RFX4: variants seen among roughly 807,000 people sequenced by gnomAD.
RFX4 encodes the protein regulatory factor X4, also known as transcription factor RFX4.
A neutral mutation model predicts 95.0 loss-of-function variants in RFX4; 10 were observed. The ratio of observed to expected loss-of-function variants is 0.11; its 90% CI spans 0.06 to 0.18. RFX4 has a LOEUF of 0.18. Ranked by LOEUF, RFX4 falls within the 10% of genes least tolerant of loss-of-function variation. The pLI, the probability that RFX4 is intolerant of heterozygous loss-of-function variation, is 1.00. For synonymous variants in RFX4, 321 were observed against 340.7 expected, an observed-to-expected ratio of 0.94 and a Z score of 0.64; for missense variants, 640 against 922.0, an observed-to-expected ratio of 0.69 and a Z score of 3.96.
intron 17 of RFX4, among the ~76,000 whole-genome samples, chr12:106,758,951 T>C (rs2043160394): frequency 6.6e-6 from 1 of 152,214 alleles, no homozygotes; most frequent in African/African-American, 2.4e-5. Flanking sequence ...AGTAGTAACG[T>C]CCCAATGTTC....
chr12:106,591,299 G>T (rs1359367495), intron 1 of RFX4, among the ~76,000 whole-genome samples: 1 of 102,428 alleles, frequency 9.8e-6, no homozygotes. Flanking sequence ...ACGGAGTCTT[G>T]CACTGTCACC....
At chr12:106,620,077 C>G (rs2040152130) in intron 2 of RFX4, among the ~76,000 whole-genome samples, 1 of 152,162 alleles carries the variant, frequency 6.6e-6, no homozygotes, top group Admixed American at 6.5e-5. Context: ...AGTCTAGTAT[C>G]TGAATTATCT....
At chr12:106,634,056 AC>A (rs1185837304) in intron 2 of RFX4, among the ~76,000 whole-genome samples, 2 of 152,140 alleles carry the variant, frequency 1.3e-5, no homozygotes, top group East Asian at 3.8e-4. Flanking sequence ...GTGTGAAAGA[AC>A]CCTGATAAAA....
At chr12:106,584,865 G>A (rs2039430806) in intron 1 of RFX4, among the ~76,000 whole-genome samples, 1 of 152,284 alleles carries the variant, frequency 6.6e-6, no homozygotes, top group South Asian at 2.1e-4. Flanking sequence ...GAAAGGCTAA[G>A]CCCCGAAGTT....
At chr12:106,691,912 A>G (rs1218475893) in intron 7 of RFX4, among the ~76,000 whole-genome samples, 2 of 152,158 alleles carry the variant, frequency 1.3e-5, no homozygotes, top group Admixed American at 1.3e-4. Context: ...TAATCCCAGC[A>G]CTTTGGGAGG....
chr12:106,662,523 C>A (rs139727350), intron 4 of RFX4, among the ~76,000 whole-genome samples: 104 of 152,262 alleles, frequency 6.8e-4, no homozygotes, highest in Non-Finnish European at 1.3e-3. Context: ...TCTTCTCATT[C>A]TCTTGACATT....
chr12:106,639,482 T>C (rs2040576441), intron 3 of RFX4, 90 bp downstream of exon 3: 1 of 1,209,784 alleles, frequency 8.3e-7, no homozygotes, highest in East Asian at 2.4e-5. Context: ...TATTTTAACA[T>C]TGTCCTGATA....
At chr12:106,728,308 T>G (rs772297630) in intron 13 of RFX4, among the ~76,000 whole-genome samples, 7 of 150,968 alleles carry the variant, frequency 4.6e-5, no homozygotes, top group Non-Finnish European at 8.8e-5. Flanking sequence ...CCTCATGTAT[T>G]AACTGAAGAT....
intron 15 of RFX4, among the ~76,000 whole-genome samples, chr12:106,739,707 GT>G (rs1171452839): frequency 1.3e-5 from 2 of 152,160 alleles, no homozygotes; most frequent in East Asian, 3.9e-4. Context: ...TTACGGCAAT[GT>G]CATGATAAGA....
chr12:106,585,616 G>A (rs2039443417), intron 1 of RFX4: 1 of 152,202 alleles, frequency 6.6e-6, no homozygotes, highest in East Asian at 1.9e-4. Flanking sequence ...AGTTTCCCTT[G>A]TTATGTAAAG....
rs992836423 is a variant in RFX4, at chr12:106,601,826, C to G, written c.44-6971C>G. On this transcript the variant is annotated intron_variant, in intron 1 of 17. Transcript: ENST00000392842. ...AACTCTTCACCTTTCCCAGAACCAC[C>G]AGGCCTTTCACAGCTTTGTGCCTTT... is the stretch of plus-strand genomic sequence containing the variant. 5.3e-5 allele frequency among the ~76,000 whole-genome samples: 8 copies of G among 152,348 alleles called. No individual in the cohort carries two copies. The East Asian group carries it at 1.5e-3, about 29-fold the overall frequency.
Position 106,648,626 on chromosome 12 carries a change from GT to G in RFX4, c.192-5584del, listed in dbSNP as rs59743543. Among the ~76,000 whole-genome samples the G allele has an allele frequency of 9.5e-3, 1,182 of 124,900 alleles. 8 individuals are homozygous for G. The highest frequency in any genetic ancestry group is 0.011 in the Non-Finnish European group (643 of 58,306). 81.9% of individuals were successfully genotyped at this position (124,900 alleles called of 152,430 possible). ...CTGTAAAAAAAAAAAATCCTGTGGG[GT>G]TTTTTTTTTTTTTTTTTGGTAAAAG... On this transcript the variant is annotated intron_variant, in intron 3 of 17. Coordinates refer to ENST00000392842, the MANE Select transcript of RFX4 (RefSeq NM_213594.3).
rs779414787 is a variant in RFX4 at position 106,696,335 on chromosome 12, C to T, written c.722C>T (p.Pro241Leu). 1 of 1,614,192 alleles carries T rather than the reference C, an allele frequency of 6.2e-7. No individual in the cohort carries two copies. Residue 241 changes from proline to leucine, a missense_variant, in exon 8 of 18, where the codon CCT (proline) becomes CTT (leucine). Coordinates refer to ENST00000392842, the MANE Select transcript of RFX4 (RefSeq NM_213594.3). Reference protein sequence around the residue: ...FWQGMPPHMLPVLGSSTVVNI... With the variant: ...FWQGMPPHMLLVLGSSTVVNI... ...CAAGGAATGCCGCCCCACATGCTGCCTGTGCTGGGCTCCTCCACGGTGGTG... is the reference window on the plus strand; with the variant it reads ...CAAGGAATGCCGCCCCACATGCTGCTTGTGCTGGGCTCCTCCACGGTGGTG...
intron 3 of RFX4, among the ~76,000 whole-genome samples, chr12:106,642,664 T>C (rs146471397): frequency 6.6e-6 from 1 of 152,114 alleles, no homozygotes; most frequent in Non-Finnish European, 1.5e-5. Context: ...ATGCATTAGA[T>C]AGTGAGAAGT....
intron 8 of RFX4, among the ~76,000 whole-genome samples, chr12:106,703,893 C>T (rs2042034790): frequency 1.3e-5 from 2 of 151,898 alleles, no homozygotes; most frequent in African/African-American, 4.8e-5. Flanking sequence ...TGTCGAAACC[C>T]TGTCTCTACG....
At chr12:106,584,004 G>A (rs934228343) in intron 1 of RFX4, among the ~76,000 whole-genome samples, 2 of 152,176 alleles carry the variant, frequency 1.3e-5, no homozygotes, top group Admixed American at 6.5e-5. Context: ...ACCCAACGCC[G>A]GGCTCCACTA....
At chr12:106,629,403 G>T (rs550950443) in intron 2 of RFX4, among the ~76,000 whole-genome samples, 2 of 152,308 alleles carry the variant, frequency 1.3e-5, no homozygotes, top group South Asian at 4.1e-4. Flanking sequence ...TAAAGGGTAC[G>T]TGGGATTTCA....
chr12:106,682,173 G>A, intron 5 of RFX4, 119 bp downstream of exon 5: 2 of 1,022,962 alleles, frequency 2.0e-6, no homozygotes, highest in Non-Finnish European at 3.0e-6. Flanking sequence ...TCTGTGCCTA[G>A]AGGGAATATG....
At chr12:106,725,319 T>C (rs761839472) in intron 13 of RFX4, among the ~76,000 whole-genome samples, 3 of 152,168 alleles carry the variant, frequency 2.0e-5, no homozygotes, top group Admixed American at 6.5e-5. Context: ...CAGACCCCAA[T>C]TGTTAATGGA....
Sources: gnomAD v4.1 joint callset for allele counts (sites outside exome capture counted in the v4.1 genomes callset) on GRCh38, gnomAD v4.1.1 for gene constraint, MANE v1.5 for transcripts, NCBI Gene and HGNC (gene_info 2026-07-23, HGNC 2026-07-21) for gene names.